Variants in PRKDC observed in about 807,000 individuals in gnomAD.
The protein encoded by PRKDC is protein kinase, DNA-activated, catalytic subunit, also known as DNA-dependent protein kinase catalytic subunit.
A neutral mutation model predicts 486.9 loss-of-function variants in PRKDC; 82 were observed. The ratio of observed to expected loss-of-function variants is 0.17; its 90% confidence interval spans 0.14 to 0.20. The LOEUF (loss-of-function observed/expected upper bound fraction) is 0.20. Ranked by LOEUF, PRKDC falls within the 10% of genes least tolerant of loss-of-function variation. The pLI, the probability that PRKDC is intolerant of heterozygous loss-of-function variation, is 1.00. For synonymous variants in PRKDC, 1,895 were observed against 1,837.0 expected (o/e 1.03, Z -0.81); for missense variants, 4,504 against 5,038.2 (o/e 0.89, Z 3.21).
intron 47 of PRKDC, 43 bp from the exon 48 acceptor site, chr8:47,858,678 A>T: frequency 6.9e-7 from 1 of 1,452,902 alleles, no homozygotes. Flanking sequence ...GTGGAATAAA[A>T]TAATGATACA....
At chr8:47,792,832 T>C (rs1279147944) in intron 74 of PRKDC, among the ~76,000 whole-genome samples, 7 of 152,226 alleles carry the variant, frequency 4.6e-5, no homozygotes, top group Non-Finnish European at 5.9e-5. Context: ...TTTTGACGTA[T>C]ATAACGCGAT....
At chr8:47,879,754 T>C in intron 38 of PRKDC, 96 bp from the exon 39 acceptor site, 1 of 1,068,110 alleles carries the variant, frequency 9.4e-7, no homozygotes, top group Non-Finnish European at 1.3e-6. Context: ...AAATAAAGCA[T>C]TATGTGGAAT....
At chr8:47,890,663 G>C (rs1049353158) in intron 31 of PRKDC, among the ~76,000 whole-genome samples, 183 bp from the exon 32 acceptor site, 5 of 152,034 alleles carry the variant, frequency 3.3e-5, no homozygotes, top group Non-Finnish European at 7.4e-5. Flanking sequence ...TCATATCAAA[G>C]GACACATTGA....
chr8:47,919,723 G>GTTTT (rs200600818), intron 21 of PRKDC, among the ~76,000 whole-genome samples: 1 of 127,050 alleles, frequency 7.9e-6, no homozygotes. Context: ...GTTTTTAGTG[G>GTTTT]TTTTTTTTTT....
At chr8:47,957,514 CTTA>C (rs1236115848) in intron 1 of PRKDC, 83 bp from the exon 2 acceptor site, 18 of 1,201,782 alleles carry the variant, frequency 1.5e-5, no homozygotes, top group Non-Finnish European at 2.1e-5. Context: ...CAATGATTTT[CTTA>C]TTATTTTTTT....
chr8:47,778,522 C>A lies in PRKDC; in HGVS notation c.11790G>T (p.Val3930=), dbSNP rs1288962529. 1.2e-6 allele frequency: 2 copies of A among 1,613,800 alleles called. No homozygotes were observed. Among genetic ancestry groups the A allele is most frequent in the Admixed American group, 3.3e-5 (2 of 59,996 alleles). Residue 3930 remains valine (V), a synonymous_variant, in exon 83 of 86, where the codon GTG becomes GTT. Transcript: ENST00000314191. ...IGDRHLNNFM[V]AMETGGVIGI... is the part of the protein sequence containing the mutation. ...CGATCACGCCGCCAGTCTCCATGGC[C>A]ACCATAAAGTTGTTCAGATGTCTGT... is the stretch of plus-strand genomic sequence containing the variant.
At chr8:47,928,459 C>T (rs1350877788) in intron 19 of PRKDC, among the ~76,000 whole-genome samples, 2 of 152,070 alleles carry the variant, frequency 1.3e-5, no homozygotes, top group African/African-American at 4.8e-5. Flanking sequence ...GGCTGAGGGA[C>T]TTTTGAAGCA....
At chr8:47,820,171 G>T (rs2154498958) in intron 66 of PRKDC, among the ~76,000 whole-genome samples, 1 of 152,300 alleles carries the variant, frequency 6.6e-6, no homozygotes, top group South Asian at 2.1e-4. Context: ...CCAGCACTTT[G>T]GGAGACTGAG....
At chr8:47,955,804 T>C in intron 4 of PRKDC, 70 bp downstream of exon 4, 1 of 1,301,416 alleles carries the variant, frequency 7.7e-7, no homozygotes, top group South Asian at 1.4e-5. Flanking sequence ...AAAACACAAC[T>C]CAAAACTCTG....
intron 69 of PRKDC, among the ~76,000 whole-genome samples, chr8:47,804,496 C>G (rs555400168): frequency 6.6e-6 from 1 of 152,002 alleles, no homozygotes; most frequent in South Asian, 2.1e-4. Context: ...GATGGAGTTT[C>G]GCCATGTTGG....
At chr8:47,937,727 T>G (rs1375706192) in intron 11 of PRKDC, among the ~76,000 whole-genome samples, 1 of 152,192 alleles carries the variant, frequency 6.6e-6, no homozygotes, top group Non-Finnish European at 1.5e-5. Flanking sequence ...GAAAATCTCA[T>G]GCAATCTTTT....
At chr8:47,862,587 T>A (rs2088701785) in intron 42 of PRKDC, 46 bp from the exon 43 acceptor site, 1 of 1,529,572 alleles carries the variant, frequency 6.5e-7, no homozygotes, top group Non-Finnish European at 8.8e-7. Context: ...AACATGGCAA[T>A]CACTGCTCAA....
At chr8:47,852,583 C>T in intron 52 of PRKDC, 90 bp downstream of exon 52, 8 of 734,570 alleles carry the variant, frequency 1.1e-5, no homozygotes, top group South Asian at 8.6e-5. Context: ...TTTCTAATAC[C>T]ATACAAGAAA....
At chr8:47,867,493 G>A (rs537650895) in intron 40 of PRKDC, among the ~76,000 whole-genome samples, 1 of 152,162 alleles carries the variant, frequency 6.6e-6, no homozygotes, top group Non-Finnish European at 1.5e-5. Context: ...TAGATGGCAT[G>A]TACTAAGAAA....
Position 47,960,082 on chromosome 8 carries a change from C to T in PRKDC, c.45G>A (p.Leu15=), listed in dbSNP as rs922587911. 2.0e-5 allele frequency: 30 copies of T among 1,529,688 alleles called. No homozygotes were observed. Among genetic ancestry groups the T allele is most frequent in the Non-Finnish European group, 2.5e-5 (29 of 1,144,622 alleles). 94.8% of individuals were successfully genotyped at this position (1,529,688 alleles called of 1,614,324 possible). The part of the protein sequence containing the change: ...GAGVRCSLLR[L]QETLSAADRC... ...GGTCCGCAGCGGACAAGGTCTCCTG[C>T]AGCCGCAGCAGGGAGCAACGCACAC... The change falls in exon 1 of 86, where the codon CTG becomes CTA. Residue 15 remains leucine, a synonymous_variant. Transcript: ENST00000314191.
At chr8:47,829,925 T>C (rs751915550) in intron 61 of PRKDC, among the ~76,000 whole-genome samples, 89 of 152,098 alleles carry the variant, frequency 5.9e-4, no homozygotes, top group Non-Finnish European at 1.1e-3. Context: ...TAGAAAAAAC[T>C]ATTCTAAAAT....
At chr8:47,884,821 C>A (rs567744800) in intron 36 of PRKDC, among the ~76,000 whole-genome samples, 49 of 152,170 alleles carry the variant, frequency 3.2e-4, no homozygotes, top group Non-Finnish European at 5.7e-4. Flanking sequence ...AGAGGTTTAG[C>A]AAACGAAAGT....
Position 47,864,472 on chromosome 8 carries a change from A to C in PRKDC, c.5571+84T>G, listed in dbSNP as rs536926353. On this transcript the variant is annotated intron_variant, in intron 41 of 85. Transcript: ENST00000314191. ...GCACACTCCTTGAACAGCAGAGGCC[A>C]TGTGACTGAGCACACAGCAGTGTCT... The C allele has an allele frequency of 9.0e-4, 1,117 of 1,240,008 alleles. 4 individuals are homozygous for C. Among genetic ancestry groups the C allele is most frequent in the South Asian group, 1.8e-3 (124 of 69,300 alleles). The allele number at this position is 1,240,008 out of a possible 1,614,324, so 76.8% of individuals were successfully genotyped here.
intron 7 of PRKDC, among the ~76,000 whole-genome samples, chr8:47,944,755 G>C (rs1352019812): frequency 6.6e-6 from 1 of 152,164 alleles, no homozygotes; most frequent in Non-Finnish European, 1.5e-5. Flanking sequence ...ACAGTGACTT[G>C]TAATCAGCAG....
Sources: gnomAD v4.1 joint callset for allele counts (sites outside exome capture counted in the v4.1 genomes callset) on GRCh38, gnomAD v4.1.1 for gene constraint, MANE v1.5 for transcripts, NCBI Gene and HGNC (gene_info 2026-07-23, HGNC 2026-07-21) for gene names.